Variants in OXCT1 observed in about 807,000 individuals in gnomAD.
OXCT1 encodes 3-oxoacid CoA-transferase 1, also known as succinyl-CoA:3-ketoacid coenzyme A transferase 1, mitochondrial.
A neutral mutation model predicts 69.6 loss-of-function variants in OXCT1; 27 were observed. That is an observed-to-expected ratio of 0.39 (90% CI 0.29 to 0.54). The LOEUF (loss-of-function observed/expected upper bound fraction) is 0.54, where lower values mean the gene tolerates loss of function less well. Ranked by LOEUF, OXCT1 falls within the 20% of genes least tolerant of loss-of-function variation. The pLI is 0.72. For missense variants in OXCT1, 437 were observed against 650.2 expected, an observed-to-expected ratio of 0.67 and a Z score of 3.57; for synonymous variants, 202 against 217.8, an observed-to-expected ratio of 0.93 and a Z score of 0.64.
chr5:41,741,625 T>C (rs1186306720), intron 15 of OXCT1, among the ~76,000 whole-genome samples: 3 of 152,198 alleles, frequency 2.0e-5, no homozygotes, highest in Admixed American at 1.3e-4. Flanking sequence ...GAATGATTAT[T>C]GACTCCAGCT....
intron 7 of OXCT1, among the ~76,000 whole-genome samples, chr5:41,808,688 C>T (rs1746805019): frequency 6.6e-6 from 1 of 152,118 alleles, no homozygotes; most frequent in South Asian, 2.1e-4. Flanking sequence ...AAAGTGGGGC[C>T]GAAGACCCCT....
chr5:41,787,307 A>T (rs1396629941), intron 13 of OXCT1, among the ~76,000 whole-genome samples: 1 of 152,178 alleles, frequency 6.6e-6, no homozygotes, highest in Non-Finnish European at 1.5e-5. Flanking sequence ...TGGCTTTCGG[A>T]CATTAGACCA....
chr5:41,739,553 C>T lies in OXCT1; in HGVS notation c.1420-62G>A, dbSNP rs879056235. ...CCATCAAAATAATTATTATATGGCA[C>T]AAAACAGAAATAACCTCGCAAGTTC... On this transcript the variant is annotated intron_variant, in intron 15 of 16. Coordinates refer to ENST00000196371, the MANE Select transcript of OXCT1 (RefSeq NM_000436.4). 3.1e-5 allele frequency: 40 copies of T among 1,275,274 alleles called. No individual in the cohort carries two copies. In the South Asian group the frequency reaches 4.5e-4, roughly 14 times the overall value. The allele number at this position is 1,275,274 out of a possible 1,614,324, so 79.0% of individuals were successfully genotyped here.
intron 5 of OXCT1, among the ~76,000 whole-genome samples, chr5:41,844,625 ACT>A (rs915776455): frequency 3.3e-5 from 5 of 150,436 alleles, no homozygotes; most frequent in African/African-American, 1.2e-4. Flanking sequence ...CTGGCTCTAG[ACT>A]CTCCCCTGAT....
intron 16 of OXCT1, among the ~76,000 whole-genome samples, chr5:41,734,443 C>T (rs1273444228): frequency 1.3e-5 from 2 of 152,132 alleles, no homozygotes; most frequent in African/African-American, 2.4e-5. Flanking sequence ...AATTGAAAGC[C>T]GTTATTTTCA....
intron 7 of OXCT1, among the ~76,000 whole-genome samples, chr5:41,830,654 T>C (rs1471348888): frequency 6.6e-6 from 1 of 152,172 alleles, no homozygotes; most frequent in Non-Finnish European, 1.5e-5. Context: ...GTTCTTGAAA[T>C]GGGATCTAAT....
Position 41,836,488 on chromosome 5 carries a change from CAT to C in OXCT1, c.732+3961_732+3962del, listed in dbSNP as rs1248507422. 5.9e-5 allele frequency among the ~76,000 whole-genome samples: 9 copies of C among 152,126 alleles called. No homozygotes were observed. The East Asian group carries it at 1.7e-3, about 29-fold the overall frequency. On this transcript the variant is annotated intron_variant, in intron 7 of 16. Transcript: ENST00000196371. ...ATCACCTCTATGGTTTTACACAACT[CAT>C]AAGTTTATCTAGAAAAGTGGTCCCC...
At chr5:41,766,653 G>T (rs1744618961) in intron 13 of OXCT1, among the ~76,000 whole-genome samples, 1 of 150,112 alleles carries the variant, frequency 6.7e-6, no homozygotes, top group African/African-American at 2.4e-5. Flanking sequence ...TTACAAAAAG[G>T]AAAAATGAAT....
chr5:41,745,955 G>A (rs1420778923), intron 15 of OXCT1, among the ~76,000 whole-genome samples: 3 of 152,030 alleles, frequency 2.0e-5, no homozygotes, highest in Non-Finnish European at 2.9e-5. Context: ...ATTCACAGCC[G>A]AATTCTACCA....
At chr5:41,781,267 C>A (rs1049124442) in intron 13 of OXCT1, among the ~76,000 whole-genome samples, 11 of 152,120 alleles carry the variant, frequency 7.2e-5, no homozygotes, top group African/African-American at 2.7e-4. Context: ...CAGGAAAGGA[C>A]TGTATTGGGT....
intron 1 of OXCT1, among the ~76,000 whole-genome samples, chr5:41,864,776 CCT>C (rs1749887364): frequency 1.3e-5 from 2 of 152,094 alleles, no homozygotes; most frequent in Non-Finnish European, 2.9e-5. Context: ...TTTTTTGAAA[CCT>C]CTCATACTCC....
chr5:41,751,244 T>G (rs1186206974), intron 14 of OXCT1, among the ~76,000 whole-genome samples: 1 of 152,132 alleles, frequency 6.6e-6, no homozygotes, highest in Admixed American at 6.6e-5. Context: ...TCAAACAAAC[T>G]GAACTATCTG....
chr5:41,779,368 T>C lies in OXCT1; in HGVS notation c.1248+14635A>G, dbSNP rs561846042. 1.8e-4 allele frequency among the ~76,000 whole-genome samples: 28 copies of C among 152,252 alleles called. 1 individual carries two copies. In the South Asian group the frequency reaches 4.1e-3, roughly 23 times the overall value. ...AATCTGAATTAAACAAAATTAGAAATTGAGTTTGCCAGTTATACTAGCCAC... is the reference window on the plus strand; with the variant it reads ...AATCTGAATTAAACAAAATTAGAAACTGAGTTTGCCAGTTATACTAGCCAC... On this transcript the variant is annotated intron_variant, in intron 13 of 16. Coordinates refer to ENST00000196371, the MANE Select transcript of OXCT1 (RefSeq NM_000436.4).
chr5:41,794,741 T>C lies in OXCT1; in HGVS notation c.1108A>G (p.Thr370Ala), dbSNP rs775484613. 4 of 1,613,532 alleles carry C rather than the reference T, an allele frequency of 2.5e-6. No homozygotes were observed. The South Asian group carries it at 3.3e-5, about 13-fold the overall frequency. Residue 370 changes from threonine (T) to alanine (A), a missense_variant, in exon 12 of 17, where the codon ACA becomes GCA. Thr to Ala is a moderately conservative substitution (Grantham distance 58, BLOSUM62 0). Transcript: ENST00000196371. ...DADLINAGKE[T>A]VTILPGASFF... ...GAGGCTCCTGGAAGAATAGTAACTG[T>C]TTCCTTGCCTAAACACACACACACA... is the stretch of plus-strand genomic sequence containing the variant.
At chr5:41,839,063 CG>C (rs540249930) in intron 7 of OXCT1, among the ~76,000 whole-genome samples, 124 of 152,192 alleles carry the variant, frequency 8.1e-4, no homozygotes, top group African/African-American at 2.8e-3. Flanking sequence ...ATGTCTGTTC[CG>C]GGACACAGGA....
intron 7 of OXCT1, among the ~76,000 whole-genome samples, chr5:41,815,966 C>T (rs1011559005): frequency 2.0e-5 from 3 of 152,168 alleles, no homozygotes; most frequent in African/African-American, 7.2e-5. Context: ...CCCTGAAGCA[C>T]TTCATAGTGC....
intron 7 of OXCT1, among the ~76,000 whole-genome samples, chr5:41,813,022 G>A (rs1297266982): frequency 6.6e-6 from 1 of 151,982 alleles, no homozygotes; most frequent in Non-Finnish European, 1.5e-5. Context: ...AAAAGAATTG[G>A]ACAGCAGTCT....
chr5:41,732,228 A>T (rs1252094089), intron 16 of OXCT1, among the ~76,000 whole-genome samples: 1 of 152,238 alleles, frequency 6.6e-6, no homozygotes, highest in Non-Finnish European at 1.5e-5. Context: ...ACCTAAATAC[A>T]TATTAATGAA....
intron 6 of OXCT1, 40 bp from the exon 7 acceptor site, chr5:41,840,551 A>C (rs1748579134): frequency 7.8e-7 from 1 of 1,289,388 alleles, no homozygotes. Context: ...GGGGGAAAAG[A>C]CGAAAAATAA....
Sources: allele counts gnomAD v4.1 joint callset (sites outside exome capture counted in the v4.1 genomes callset), GRCh38; gene constraint gnomAD v4.1.1; transcripts MANE v1.5; gene names NCBI Gene and HGNC (gene_info 2026-07-23, HGNC 2026-07-21).